The following DENND6A variants were observed in gnomAD, a reference collection of about 807,000 sequenced individuals.
The protein encoded by DENND6A is protein DENND6A.
A neutral mutation model predicts 95.5 loss-of-function variants in DENND6A; 43 were observed. That is an observed-to-expected ratio of 0.45 (90% CI 0.35 to 0.58). DENND6A has a LOEUF of 0.58. Among genes scored for constraint, DENND6A ranks in the 20% least tolerant of loss-of-function variants. The probability of loss-of-function intolerance (pLI) is 0.00; values close to 1 mark genes in which losing one functional copy is unlikely to be tolerated. For missense variants in DENND6A, 574 were observed against 736.0 expected (o/e 0.78, Z 2.55); for synonymous variants, 257 against 260.4 (o/e 0.99, Z 0.13).
chr3:57,641,620 C>T (rs1414015142), intron 12 of DENND6A, 33 bp downstream of exon 12: 4 of 1,572,554 alleles, frequency 2.5e-6, no homozygotes, highest in South Asian at 2.3e-5. Context: ...CAACACTGCA[C>T]ACTAGAAACA....
At chr3:57,692,250 A>C (rs1264426048) in intron 1 of DENND6A, among the ~76,000 whole-genome samples, 3 of 139,572 alleles carry the variant, frequency 2.1e-5, no homozygotes, top group South Asian at 2.3e-4. Context: ...AAAAAAAAAA[A>C]CAGAAATGAG....
chr3:57,634,512 T>G, intron 14 of DENND6A, 46 bp downstream of exon 14: 1 of 1,093,988 alleles, frequency 9.1e-7, no homozygotes, highest in Non-Finnish European at 1.3e-6. Flanking sequence ...GGATATTACA[T>G]ACCTGAACAA....
chr3:57,658,087 T>C (rs983230547), intron 8 of DENND6A, among the ~76,000 whole-genome samples: 1 of 151,732 alleles, frequency 6.6e-6, no homozygotes, highest in Non-Finnish European at 1.5e-5. Flanking sequence ...ATACAAAAAA[T>C]TAGCCAGGCA....
chr3:57,650,673 A>G (rs1173506944), intron 9 of DENND6A, among the ~76,000 whole-genome samples: 1 of 152,232 alleles, frequency 6.6e-6, no homozygotes, highest in Admixed American at 6.5e-5. Context: ...CCACACAAAG[A>G]CGTATACACA....
At chr3:57,651,214 C>T (rs1339295778) in intron 9 of DENND6A, among the ~76,000 whole-genome samples, 1 of 152,212 alleles carries the variant, frequency 6.6e-6, no homozygotes, top group Non-Finnish European at 1.5e-5. Flanking sequence ...TGCTCCTCAA[C>T]ATATGACAGA....
intron 5 of DENND6A, among the ~76,000 whole-genome samples, chr3:57,662,185 CTTTTTT>C (rs60063768): frequency 0.028 from 2,232 of 79,140 alleles, 18 homozygotes; most frequent in Non-Finnish European, 0.041. Flanking sequence ...TTTCTTTTTT[CTTTTTT>C]TTTTTTTTTT....
At chr3:57,662,198 T>TTC (rs1239731325) in intron 5 of DENND6A, among the ~76,000 whole-genome samples, 3 of 137,382 alleles carry the variant, frequency 2.2e-5, no homozygotes, top group Non-Finnish European at 3.2e-5. Context: ...TTTTTTTTTT[T>TTC]TTTTTTTTTT....
intron 11 of DENND6A, among the ~76,000 whole-genome samples, chr3:57,644,029 A>T (rs1364215456): frequency 6.9e-6 from 1 of 144,520 alleles, no homozygotes; most frequent in African/African-American, 2.4e-5. Flanking sequence ...GTGCACCTGT[A>T]ATCCCAGCTA....
chr3:57,686,624 TTGTA>T (rs1207466000), intron 1 of DENND6A, among the ~76,000 whole-genome samples: 1 of 152,242 alleles, frequency 6.6e-6, no homozygotes, highest in Non-Finnish European at 1.5e-5. Context: ...TTTGTTACTA[TTGTA>T]TCTGTTACAG....
At chr3:57,685,063 G>A (rs1368079156) in intron 1 of DENND6A, among the ~76,000 whole-genome samples, 1 of 151,758 alleles carries the variant, frequency 6.6e-6, no homozygotes, top group Non-Finnish European at 1.5e-5. Context: ...ACAGGTATGC[G>A]CCACCATGCC....
chr3:57,629,028 A>G, intron 18 of DENND6A, 143 bp from the exon 19 acceptor site: 1 of 580,478 alleles, frequency 1.7e-6, no homozygotes, highest in East Asian at 3.0e-5. Context: ...ATTATAGTGC[A>G]AGAATAATTC....
At chr3:57,680,866 C>T (rs1339734096) in intron 1 of DENND6A, among the ~76,000 whole-genome samples, 2 of 152,032 alleles carry the variant, frequency 1.3e-5, no homozygotes, top group Admixed American at 6.6e-5. Context: ...TGGCTCATAC[C>T]TACTAGGACA....
At chr3:57,671,179 G>GT (rs1425911698) in intron 3 of DENND6A, among the ~76,000 whole-genome samples, 1 of 152,060 alleles carries the variant, frequency 6.6e-6, no homozygotes, top group Non-Finnish European at 1.5e-5. Flanking sequence ...AAAAAATTTT[G>GT]TTTAACTGTC....
chr3:57,666,072 G>C, intron 4 of DENND6A, 51 bp downstream of exon 4: 1 of 1,481,128 alleles, frequency 6.8e-7, no homozygotes, highest in Non-Finnish European at 9.4e-7. Context: ...GAATAAATGA[G>C]TTCTAAAGTT....
intron 1 of DENND6A, among the ~76,000 whole-genome samples, chr3:57,676,936 G>A (rs1361453612): frequency 3.3e-5 from 5 of 152,086 alleles, no homozygotes; most frequent in Non-Finnish European, 1.5e-5. Flanking sequence ...CGATTCTTGT[G>A]CCTCAGCCAC....
intron 1 of DENND6A, among the ~76,000 whole-genome samples, chr3:57,685,969 A>T (rs79040284): frequency 5.4e-4 from 82 of 152,338 alleles, no homozygotes; most frequent in African/African-American, 1.8e-3. Flanking sequence ...AGAGAAAATT[A>T]AAAAACATAC....
At chr3:57,643,215 G>C (rs751963034) in intron 11 of DENND6A, among the ~76,000 whole-genome samples, 10 of 152,072 alleles carry the variant, frequency 6.6e-5, no homozygotes, top group Non-Finnish European at 1.5e-4. Context: ...TTAATGTGGG[G>C]CATGTTACAA....
In DENND6A at chr3:57,692,986, G is replaced by A. The variant is rs761207457; in HGVS notation, c.33C>T (p.Pro11=). The A allele has an allele frequency of 8.6e-6, 13 of 1,520,420 alleles. No individual in the cohort carries two copies. Among genetic ancestry groups the A allele is most frequent in the South Asian group, 3.7e-5 (3 of 81,664 alleles). The allele number at this position is 1,520,420 out of a possible 1,614,324, so 94.2% of individuals were successfully genotyped here. The change falls in exon 1 of 20, where the codon CCC becomes CCT. Residue 11 remains proline, a synonymous_variant. Coordinates refer to ENST00000311128, the MANE Select transcript of DENND6A (RefSeq NM_152678.3). MALRGPAGLG[P]GSRRPLDEAV... is the part of the protein sequence containing the mutation. ...CTTCGTCCAACGGCCTTCGAGAGCC[G>A]GGCCCCAAGCCCGCAGGGCCCCTCA...
intron 1 of DENND6A, among the ~76,000 whole-genome samples, chr3:57,681,653 AAAAG>A (rs143655749): frequency 0.013 from 1,927 of 151,966 alleles, 43 homozygotes; most frequent in African/African-American, 0.044. Flanking sequence ...AAAGAAAGAA[AAAAG>A]AAAGAAACAA....
Sources: gnomAD v4.1 joint callset for allele counts (sites outside exome capture counted in the v4.1 genomes callset) on GRCh38, gnomAD v4.1.1 for gene constraint, MANE v1.5 for transcripts, NCBI Gene and HGNC (gene_info 2026-07-23, HGNC 2026-07-21) for gene names.